FUT8: variants seen among roughly 807,000 people sequenced by gnomAD.
The protein encoded by FUT8 is alpha-(1,6)-fucosyltransferase.
FUT8 carries 29 observed loss-of-function variants against 71.3 expected under a neutral mutation model. The observed-to-expected ratio is 0.41, with a 90% CI of 0.30 to 0.55. FUT8 has a LOEUF of 0.55. Among genes scored for constraint, FUT8 ranks in the 20% least tolerant of loss-of-function variants. The pLI, the probability that FUT8 is intolerant of heterozygous loss-of-function variation, is 0.34. For synonymous variants in FUT8, 254 were observed against 239.3 expected, an observed-to-expected ratio of 1.06 and a Z score of -0.57; for missense variants, 544 against 702.1, an observed-to-expected ratio of 0.77 and a Z score of 2.55.
chr14:65,655,091 C>T (rs1891605698), intron 6 of FUT8, among the ~76,000 whole-genome samples: 1 of 151,750 alleles, frequency 6.6e-6, no homozygotes, highest in African/African-American at 2.4e-5. Flanking sequence ...GCTGTCCCCC[C>T]AAGAAACTAA....
intron 3 of FUT8, among the ~76,000 whole-genome samples, chr14:65,564,844 G>A (rs1030342363): frequency 6.6e-6 from 1 of 151,886 alleles, no homozygotes; most frequent in Non-Finnish European, 1.5e-5. Context: ...ACTATTGTCT[G>A]TATTAGTAGT....
chr14:65,466,548 G>A (rs745640210), intron 2 of FUT8, among the ~76,000 whole-genome samples: 2 of 152,084 alleles, frequency 1.3e-5, no homozygotes, highest in African/African-American at 2.4e-5. Flanking sequence ...TCAGGAGTTC[G>A]AGACTAGCCT....
intron 2 of FUT8, among the ~76,000 whole-genome samples, chr14:65,494,877 A>G (rs898427567): frequency 6.6e-6 from 1 of 152,228 alleles, no homozygotes; most frequent in South Asian, 2.1e-4. Context: ...AAGGTTTACC[A>G]AATGTTTAGG....
At chr14:65,403,978 A>G in the FUT8 span, among the ~76,000 whole-genome samples, 1 of 151,394 alleles carries the variant, frequency 6.6e-6, no homozygotes, top group East Asian at 1.9e-4. Flanking sequence ...GCTCAGTGCA[A>G]CCTCCACCTC....
intron 3 of FUT8, among the ~76,000 whole-genome samples, chr14:65,581,640 A>G (rs1887096589): frequency 6.6e-6 from 1 of 152,154 alleles, no homozygotes; most frequent in African/African-American, 2.4e-5. Context: ...ATAAACTGAC[A>G]CATGTAAATT....
intron 7 of FUT8, among the ~76,000 whole-genome samples, chr14:65,673,894 C>T (rs1892590715): frequency 2.0e-5 from 3 of 152,106 alleles, no homozygotes; most frequent in Non-Finnish European, 4.4e-5. Flanking sequence ...TCAAATATCT[C>T]ACTCAGGTCA....
At chr14:65,688,287 C>A (rs1893399653) in intron 7 of FUT8, among the ~76,000 whole-genome samples, 1 of 152,082 alleles carries the variant, frequency 6.6e-6, no homozygotes, top group African/African-American at 2.4e-5. Context: ...GCAAACTAAT[C>A]TTTTAAATCT....
At chr14:65,593,450 T>C (rs967898299) in intron 3 of FUT8, among the ~76,000 whole-genome samples, 3 of 152,240 alleles carry the variant, frequency 2.0e-5, no homozygotes, top group Non-Finnish European at 2.9e-5. Flanking sequence ...CTGTGTTTCA[T>C]AGTGTATAGA....
At chr14:65,412,491 T>C, upstream of FUT8, 1 of 372,350 alleles carries the variant, frequency 2.7e-6, no homozygotes, top group Non-Finnish European at 5.3e-6. Flanking sequence ...GAGGGCGGCC[T>C]ACGCCTGTGT....
chr14:65,604,117 C>T (rs1481093947), intron 3 of FUT8, among the ~76,000 whole-genome samples: 1 of 151,646 alleles, frequency 6.6e-6, no homozygotes, highest in Non-Finnish European at 1.5e-5. Flanking sequence ...ACAATTACTA[C>T]CAAACCTAAG....
chr14:65,646,009 C>G (rs919946569), intron 6 of FUT8: 5 of 152,132 alleles, frequency 3.3e-5, no homozygotes, highest in African/African-American at 1.2e-4. Flanking sequence ...ACACTAATAC[C>G]GACGCTGGAA....
chr14:65,710,951 T>C (rs1461379104), intron 7 of FUT8, among the ~76,000 whole-genome samples: 1 of 152,088 alleles, frequency 6.6e-6, no homozygotes, highest in African/African-American at 2.4e-5. Flanking sequence ...AGGAAGATGC[T>C]GGGCTCTTTT....
At chr14:65,496,602 C>G (rs1256915432) in intron 2 of FUT8, among the ~76,000 whole-genome samples, 2 of 152,122 alleles carry the variant, frequency 1.3e-5, no homozygotes, top group African/African-American at 4.8e-5. Context: ...TCTCTCTTGC[C>G]TGCCGCCATG....
chr14:65,494,585 TTTTTTTA>T (rs902414925), intron 2 of FUT8, among the ~76,000 whole-genome samples: 1 of 152,088 alleles, frequency 6.6e-6, no homozygotes, highest in African/African-American at 2.4e-5. Flanking sequence ...GGGCAACGTA[TTTTTTTA>T]TTTTTTATTT....
chr14:65,372,283 T>C, the FUT8 span, among the ~76,000 whole-genome samples: 1,013 of 152,304 alleles, frequency 6.7e-3, 5 homozygotes, highest in Non-Finnish European at 0.01. Flanking sequence ...GACTCCTCTA[T>C]GTATCTTCCA....
intron 2 of FUT8, among the ~76,000 whole-genome samples, chr14:65,549,014 A>AT (rs1353346410): frequency 6.6e-6 from 1 of 152,318 alleles, no homozygotes; most frequent in Admixed American, 6.5e-5. Flanking sequence ...AAAAGTACAC[A>AT]TTGCAACCAC....
chr14:65,569,100 T>G (rs1242777700), intron 3 of FUT8, among the ~76,000 whole-genome samples: 1 of 151,814 alleles, frequency 6.6e-6, no homozygotes, highest in Non-Finnish European at 1.5e-5. Flanking sequence ...AGTCTGCAAT[T>G]TTAAGAAGCG....
At position 65,574,578 on chromosome 14, in the gene FUT8, C is replaced by T. The variant is rs576084552; in HGVS notation, c.203+12812C>T. Among the ~76,000 whole-genome samples the T allele has an allele frequency of 6.6e-6, 1 of 152,238 alleles. No individual in the cohort carries two copies. The highest frequency in any genetic ancestry group is 2.1e-4 in the South Asian group (1 of 4,806). On this transcript the variant is annotated intron_variant, in intron 3 of 10. Transcript: ENST00000673929. This position sits in a 1 kb window ranked among gnomAD's most constrained non-coding sequence, Gnocchi z 5.2. ...GTAAGTGCTAAAACCAGCAAGAGCT[C>T]AAAGAGTCTGACTCTAGGTATTATA...
upstream of FUT8, chr14:65,410,930 C>CTTTTTTGTTAAAATT (rs1327922920): frequency 5.9e-5 from 9 of 152,000 alleles, no homozygotes; most frequent in African/African-American, 2.2e-4. Context: ...GTTACGCTTG[C>CTTTTTTGTTAAAATT]TTGTTAAAAT....
Sources: gnomAD v4.1 joint callset for allele counts (sites outside exome capture counted in the v4.1 genomes callset) on GRCh38, gnomAD v4.1.1 for gene constraint, Gnocchi (gnomAD v3.1) non-coding constraint, MANE v1.5 for transcripts, NCBI Gene and HGNC (gene_info 2026-07-23, HGNC 2026-07-21) for gene names.